The following FHIT variants were observed in gnomAD, a reference collection of about 807,000 sequenced individuals.
The protein encoded by FHIT is fragile histidine triad diadenosine triphosphatase.
FHIT carries 19 observed loss-of-function variants against 17.9 expected under a neutral mutation model. The ratio of observed to expected loss-of-function variants is 1.06; its 90% confidence interval spans 0.74 to 1.56. FHIT has a LOEUF of 1.56. FHIT is among the 40% of genes most tolerant of loss of function. The pLI is 0.00. For missense variants in FHIT, 248 were observed against 189.2 expected (o/e 1.31, Z -1.82); for synonymous variants, 81 against 69.7 (o/e 1.16, Z -0.81).
intron 1 of FHIT, among the ~76,000 whole-genome samples, chr3:61,240,208 C>T (rs2040340653): frequency 6.6e-6 from 1 of 152,206 alleles, no homozygotes; most frequent in Non-Finnish European, 1.5e-5. Flanking sequence ...GCTGGCAGAA[C>T]CCAGCAAATG....
intron 4 of FHIT, among the ~76,000 whole-genome samples, chr3:60,658,324 A>G (rs567830467): frequency 6.6e-6 from 1 of 152,216 alleles, no homozygotes; most frequent in East Asian, 1.9e-4. Context: ...CCATTTTGCT[A>G]TTGATTTTCT....
At chr3:60,734,861 A>G (rs2042104038) in intron 4 of FHIT, among the ~76,000 whole-genome samples, 2 of 152,228 alleles carry the variant, frequency 1.3e-5, no homozygotes, top group Non-Finnish European at 2.9e-5. Context: ...ACATACTGAA[A>G]TAAACAAACT....
chr3:60,668,412 C>T (rs2107837713), intron 4 of FHIT, among the ~76,000 whole-genome samples: 1 of 146,628 alleles, frequency 6.8e-6, no homozygotes, highest in South Asian at 2.2e-4. Flanking sequence ...CCTCCCTGAG[C>T]TGCTTCTTGT....
At chr3:60,667,668 A>C (rs1260957630) in intron 4 of FHIT, among the ~76,000 whole-genome samples, 1 of 152,090 alleles carries the variant, frequency 6.6e-6, no homozygotes, top group Non-Finnish European at 1.5e-5. Context: ...TCTTGGTATG[A>C]AGGATAATTT....
At chr3:59,906,957 T>C (rs1266362486) in intron 8 of FHIT, among the ~76,000 whole-genome samples, 1 of 152,238 alleles carries the variant, frequency 6.6e-6, no homozygotes, top group African/African-American at 2.4e-5. Context: ...CACGTGGAAA[T>C]CAAAGGAAAG....
intron 4 of FHIT, among the ~76,000 whole-genome samples, chr3:60,647,843 A>C (rs533939093): frequency 9.8e-5 from 15 of 152,374 alleles, no homozygotes; most frequent in African/African-American, 3.1e-4. Flanking sequence ...AAAAGCTAGT[A>C]ATCTTGGGGA....
intron 5 of FHIT, among the ~76,000 whole-genome samples, chr3:60,048,718 C>T (rs537839905): frequency 3.9e-5 from 6 of 152,272 alleles, no homozygotes; most frequent in Non-Finnish European, 8.8e-5. Flanking sequence ...GAATGTGATA[C>T]TTGGAAACCA....
chr3:60,630,935 A>T (rs1332037273), intron 4 of FHIT, among the ~76,000 whole-genome samples: 1 of 76,898 alleles, frequency 1.3e-5, no homozygotes, highest in Non-Finnish European at 2.6e-5. Context: ...CCAGGTCATT[A>T]AAAAAAAAAA....
In FHIT at chr3:60,755,131, AT is replaced by A. The variant is rs531845862; in HGVS notation, c.-18+66787del. The stretch of plus-strand genomic sequence containing the variant: ...AAATCCTACCAATACCTCAAGGTCC[AT>A]CTACTCTGTATTCTGAAAATACTCC... On this transcript the variant is annotated intron_variant, in intron 4 of 9. Coordinates refer to ENST00000492590, the MANE Select transcript of FHIT (RefSeq NM_002012.4). Among the ~76,000 whole-genome samples, 274 of 152,290 alleles carry A rather than the reference AT, an allele frequency of 1.8e-3. 1 individual carries two copies. Among genetic ancestry groups the A allele is most frequent in the Non-Finnish European group, 3.2e-3 (215 of 68,032 alleles).
chr3:60,739,138 T>C (rs13090237), intron 4 of FHIT, among the ~76,000 whole-genome samples: 9 of 151,946 alleles, frequency 5.9e-5, no homozygotes, highest in Non-Finnish European at 1.2e-4. Context: ...TCCCCATCCA[T>C]CCCATTGAGA....
chr3:60,110,166 C>A (rs1460258633), intron 5 of FHIT, among the ~76,000 whole-genome samples: 1 of 152,210 alleles, frequency 6.6e-6, no homozygotes, highest in Non-Finnish European at 1.5e-5. Flanking sequence ...GGTTGGGCTA[C>A]CTCCATAGAA....
At chr3:59,872,073 G>C (rs1350717880) in intron 8 of FHIT, among the ~76,000 whole-genome samples, 1 of 152,164 alleles carries the variant, frequency 6.6e-6, no homozygotes, top group Non-Finnish European at 1.5e-5. Flanking sequence ...GGCTGAGTGG[G>C]AGTAGTCACT....
chr3:61,056,704 T>G (rs963864589), intron 2 of FHIT, among the ~76,000 whole-genome samples: 1 of 152,174 alleles, frequency 6.6e-6, no homozygotes, highest in Non-Finnish European at 1.5e-5. Flanking sequence ...TTTTTCAAAC[T>G]GGGGTCTCTG....
chr3:59,792,750 C>A (rs917391047), intron 8 of FHIT, among the ~76,000 whole-genome samples: 1 of 151,860 alleles, frequency 6.6e-6, no homozygotes, highest in Non-Finnish European at 1.5e-5. Flanking sequence ...GTGTTGGATG[C>A]TTCATTAGGT....
chr3:60,744,337 T>A lies in FHIT; in HGVS notation c.-18+77582A>T, dbSNP rs2042313951. Among the ~76,000 whole-genome samples, 3 of 151,216 alleles carry A rather than the reference T, an allele frequency of 2.0e-5. No individual in the cohort carries two copies. In the South Asian group the frequency reaches 6.3e-4, roughly 32 times the overall value. On this transcript the variant is annotated intron_variant, in intron 4 of 9. Coordinates refer to ENST00000492590, the MANE Select transcript of FHIT (RefSeq NM_002012.4). ...TATGCACAAGAATTCCATCTCTCCTTGCAAATAAGATATTTCACATTTCCT... is the reference window on the plus strand; with the variant it reads ...TATGCACAAGAATTCCATCTCTCCTAGCAAATAAGATATTTCACATTTCCT...
chr3:60,857,858 T>C (rs1553750372), intron 3 of FHIT, among the ~76,000 whole-genome samples: 3 of 152,044 alleles, frequency 2.0e-5, no homozygotes. Flanking sequence ...AGCCCAGGAG[T>C]TCAAGGCTGC....
intron 2 of FHIT, among the ~76,000 whole-genome samples, chr3:61,131,925 A>G (rs1406334245): frequency 6.6e-6 from 1 of 152,238 alleles, no homozygotes; most frequent in Non-Finnish European, 1.5e-5. Context: ...ATAGCCCCAG[A>G]AAACTAACAC....
At chr3:61,243,221 A>C (rs1017846988) in intron 1 of FHIT, among the ~76,000 whole-genome samples, 1 of 152,102 alleles carries the variant, frequency 6.6e-6, no homozygotes, top group African/African-American at 2.4e-5. Context: ...TTCTCCACAT[A>C]ATATATAAGC....
chr3:60,379,790 T>C (rs1700723763), intron 5 of FHIT, among the ~76,000 whole-genome samples: 1 of 152,184 alleles, frequency 6.6e-6, no homozygotes, highest in Admixed American at 6.5e-5. Context: ...TAGGAAACTC[T>C]TAATTTACAA....
Sources: gnomAD v4.1 joint callset for allele counts (sites outside exome capture counted in the v4.1 genomes callset) on GRCh38, gnomAD v4.1.1 for gene constraint, MANE v1.5 for transcripts, NCBI Gene and HGNC (gene_info 2026-07-23, HGNC 2026-07-21) for gene names.